Variants in MUSK observed in about 807,000 individuals in gnomAD.
MUSK encodes muscle, skeletal receptor tyrosine-protein kinase.
Under a neutral mutation model 88.7 loss-of-function variants are expected in MUSK, and 55 were observed. That is an observed-to-expected ratio of 0.62 (90% CI 0.50 to 0.78). The LOEUF (loss-of-function observed/expected upper bound fraction) is 0.78. Ranked by LOEUF, MUSK falls within the 30% of genes least tolerant of loss-of-function variation. MUSK has a pLI of 0.00. For missense variants in MUSK, 1,015 were observed against 1,074.3 expected, an observed-to-expected ratio of 0.94 and a Z score of 0.77; for synonymous variants, 387 against 391.9, an observed-to-expected ratio of 0.99 and a Z score of 0.15.
rs1425034014 is a variant in MUSK at position 110,804,831 on chromosome 9, T to A, written c.*3843T>A. Among the ~76,000 whole-genome samples the A allele has an allele frequency of 6.6e-6, 1 of 151,904 alleles. No homozygotes were observed. Among genetic ancestry groups the A allele is most frequent in the Non-Finnish European group, 1.5e-5 (1 of 67,822 alleles). On this transcript the variant is annotated 3_prime_UTR_variant, in exon 15 of 15. Transcript: ENST00000374448. ...GGTAATTAACATTAACATCATAATA[T>A]TCTTCCAGGCTTTTTCAGATAGACA...
intron 9 of MUSK, among the ~76,000 whole-genome samples, chr9:110,774,227 T>C (rs2077628437): frequency 1.3e-5 from 2 of 152,228 alleles, no homozygotes; most frequent in African/African-American, 4.8e-5. Flanking sequence ...AATTCAAATT[T>C]GTTTATTTCT....
At chr9:110,682,871 T>A in intron 2 of MUSK, 71 bp downstream of exon 2, 2 of 1,102,484 alleles carry the variant, frequency 1.8e-6, no homozygotes, top group Non-Finnish European at 2.5e-6. Flanking sequence ...ATGTATATAT[T>A]TATGAAGTAG....
intron 3 of MUSK, among the ~76,000 whole-genome samples, chr9:110,689,879 TATTTAA>T (rs2076289000): frequency 1.0e-5 from 1 of 95,432 alleles, no homozygotes; most frequent in Non-Finnish European, 1.8e-5. Context: ...TATAAATATA[TATTTAA>T]ATATAAATTA....
In MUSK at chr9:110,800,627, T is replaced by C. The variant is rs781506865; in HGVS notation, c.2249T>C (p.Ile750Thr). The C allele has an allele frequency of 6.2e-7, 1 of 1,613,698 alleles. No homozygotes were observed. The highest frequency in any genetic ancestry group is 1.3e-5 in the African/African-American group (1 of 74,874). The change falls in exon 15 of 15, where the codon ATC (isoleucine) becomes ACC (threonine). Residue 750 changes from isoleucine to threonine, a missense_variant. Transcript: ENST00000374448. ...KIADFGLSRN[I>T]YSADYYKANE... is the part of the protein sequence containing the mutation. ...GCCGACTTTGGCCTCTCCAGGAACA[T>C]CTACTCAGCAGACTACTACAAAGCT...
chr9:110,698,066 A>C (rs1375971619), intron 5 of MUSK, among the ~76,000 whole-genome samples: 1 of 152,190 alleles, frequency 6.6e-6, no homozygotes, highest in Non-Finnish European at 1.5e-5. Flanking sequence ...TCAGAATCCA[A>C]ATAGGTCTAG....
chr9:110,723,514 C>T (rs979370074), intron 5 of MUSK, among the ~76,000 whole-genome samples: 7 of 151,976 alleles, frequency 4.6e-5, no homozygotes, highest in South Asian at 2.1e-4. Flanking sequence ...CTATATATTA[C>T]GTACAGTTTA....
intron 13 of MUSK, among the ~76,000 whole-genome samples, chr9:110,786,030 G>A (rs1013361954): frequency 1.3e-5 from 2 of 150,154 alleles, no homozygotes; most frequent in Admixed American, 1.3e-4. Flanking sequence ...AGTTAATTCT[G>A]GCCAGGTGCG....
Position 110,668,959 on chromosome 9 carries a change from A to G in MUSK, c.55A>G (p.Ser19Gly). Reference protein sequence around the residue: ...LVHILTLVAFSGTEKLPKAPV... With the variant: ...LVHILTLVAFGGTEKLPKAPV... ...ACATATTCTTACTCTGGTTGCCTTCAGCGGAACTGAGAAACTTCCAAAAGG... is the reference window on the plus strand; with the variant it reads ...ACATATTCTTACTCTGGTTGCCTTCGGCGGAACTGAGAAACTTCCAAAAGG... Residue 19 changes from serine (S) to glycine (G), a missense_variant, in exon 1 of 15, where the codon AGC becomes GGC. Physicochemically the swap from Ser to Gly is moderately conservative, Grantham distance 56. Coordinates refer to ENST00000374448, the MANE Select transcript of MUSK (RefSeq NM_005592.4). 6.2e-7 allele frequency: 1 copy of G among 1,613,770 alleles called. No homozygotes were observed. The highest frequency in any genetic ancestry group is 1.7e-5 in the Admixed American group (1 of 59,996).
intron 8 of MUSK, among the ~76,000 whole-genome samples, chr9:110,765,897 G>C (rs1485874537): frequency 6.6e-6 from 1 of 152,034 alleles, no homozygotes; most frequent in Non-Finnish European, 1.5e-5. Context: ...TTTATGCTTA[G>C]GTTCAATGAA....
In MUSK at chr9:110,775,903, T is replaced by A; in HGVS notation, c.1300T>A (p.Cys434Ser). The A allele has an allele frequency of 1.2e-6, 2 of 1,613,962 alleles. No homozygotes were observed. The highest frequency in any genetic ancestry group is 1.7e-6 in the Non-Finnish European group (2 of 1,179,850). ...GATGCATTTGCTGTCCGTGCCAGAA[T>A]GCAGCAAGCTTCCCAGCATGCATTG... is the stretch of plus-strand genomic sequence containing the variant. The part of the protein sequence containing the change: ...SEMHLLSVPE[C>S]SKLPSMHWDP... Residue 434 changes from cysteine to serine, a missense_variant, in exon 10 of 15, where the codon TGC becomes AGC. Transcript: ENST00000374448.
At chr9:110,702,363 G>A (rs2076540167) in intron 5 of MUSK, among the ~76,000 whole-genome samples, 1 of 152,114 alleles carries the variant, frequency 6.6e-6, no homozygotes, top group South Asian at 2.1e-4. Context: ...TGGCCCATGT[G>A]AAATGGAGGT....
In MUSK at chr9:110,747,715, G is replaced by A; in HGVS notation, c.828G>A (p.Lys276=). 2.5e-6 allele frequency: 4 copies of A among 1,613,844 alleles called. No homozygotes were observed. Among genetic ancestry groups the A allele is most frequent in the Non-Finnish European group, 2.5e-6 (3 of 1,179,802 alleles). Residue 276 remains lysine (K), a synonymous_variant, in exon 7 of 15, where the codon AAG becomes AAA. Transcript: ENST00000374448. ...IDSRLQLFIT[K]PGLYTCIATN... The stretch of plus-strand genomic sequence containing the variant: ...CAAGACTGCAGCTGTTTATCACCAA[G>A]CCAGGACTCTACACATGCATAGCTA...
rs961101586 is a variant in MUSK, at chr9:110,803,190, T to A, written c.*2202T>A. ...AACAGTAATCATAAAAATTATAATA[T>A]CAGCTAGCATTTATTGAAATCTTAC... On this transcript the variant is annotated 3_prime_UTR_variant, in exon 15 of 15. Coordinates refer to ENST00000374448, the MANE Select transcript of MUSK (RefSeq NM_005592.4). Among the ~76,000 whole-genome samples the A allele has an allele frequency of 2.0e-5, 3 of 152,220 alleles. No homozygotes were observed. Among genetic ancestry groups the A allele is most frequent in the African/African-American group, 7.2e-5 (3 of 41,466 alleles).
intron 5 of MUSK, among the ~76,000 whole-genome samples, chr9:110,711,119 G>A (rs551871009): frequency 1.2e-4 from 18 of 152,238 alleles, no homozygotes; most frequent in Non-Finnish European, 1.9e-4. Context: ...GGAGAGGGGA[G>A]GGATAGATAG....
At chr9:110,764,066 A>C (rs181317400) in intron 8 of MUSK, among the ~76,000 whole-genome samples, 5 of 152,328 alleles carry the variant, frequency 3.3e-5, no homozygotes, top group Admixed American at 3.3e-4. Context: ...AACTGAGTTT[A>C]TATTGTAAGG....
rs1391191595 is a variant in MUSK, at chr9:110,767,830, A to G, written c.931A>G (p.Lys311Glu). 6.2e-7 allele frequency: 1 copy of G among 1,613,886 alleles called. No homozygotes were observed. Among genetic ancestry groups the G allele is most frequent in the Non-Finnish European group, 8.5e-7 (1 of 1,179,898 alleles). ...CATTTCTTCTTTCAGTAAACCACAG[A>G]AAGATAACAAAGGCTACTGCGCCCA... ...ISIAEWSKPQ[K>E]DNKGYCAQYR... The change falls in exon 9 of 15, where the codon AAA becomes GAA. Residue 311 changes from lysine (K) to glutamate (E), a missense_variant. Transcript: ENST00000374448.
chr9:110,741,671 G>T (rs1450478536), intron 6 of MUSK, among the ~76,000 whole-genome samples: 2 of 152,076 alleles, frequency 1.3e-5, no homozygotes, highest in Non-Finnish European at 2.9e-5. Context: ...TCTGTTACTT[G>T]AACAAAATCA....
intron 5 of MUSK, among the ~76,000 whole-genome samples, chr9:110,701,446 T>C (rs1277675288): frequency 6.6e-6 from 1 of 152,094 alleles, no homozygotes. Context: ...AATACACCTA[T>C]AATTTCTCTT....
intron 5 of MUSK, among the ~76,000 whole-genome samples, chr9:110,701,923 T>C (rs564927129): frequency 2.2e-4 from 31 of 140,296 alleles, no homozygotes; most frequent in South Asian, 1.3e-3. Context: ...TATTTTATTT[T>C]ATTTCATAGA....
Sources: allele counts gnomAD v4.1 joint callset (sites outside exome capture counted in the v4.1 genomes callset), GRCh38; gene constraint gnomAD v4.1.1; transcripts MANE v1.5; gene names NCBI Gene and HGNC (gene_info 2026-07-23, HGNC 2026-07-21).